CCNY: variants seen among roughly 807,000 people sequenced by gnomAD.
The protein encoded by CCNY is cyclin-Y.
A neutral mutation model predicts 42.8 loss-of-function variants in CCNY; 19 were observed. The observed-to-expected ratio is 0.44, with a 90% confidence interval of 0.31 to 0.65. CCNY has a LOEUF of 0.65. Ranked by LOEUF, CCNY falls within the 30% of genes least tolerant of loss-of-function variation. CCNY has a pLI of 0.07. For synonymous variants in CCNY, 165 were observed against 162.7 expected (o/e 1.01, Z -0.11); for missense variants, 370 against 437.3 (o/e 0.85, Z 1.37).
intron 1 of CCNY, among the ~76,000 whole-genome samples, chr10:35,480,361 A>G (rs1839639726): frequency 6.6e-6 from 1 of 152,086 alleles, no homozygotes; most frequent in East Asian, 1.9e-4. Context: ...ACAGAGAACA[A>G]GTGGTCATTC....
chr10:35,543,174 G>C (rs1841039514), intron 7 of CCNY, among the ~76,000 whole-genome samples: 3 of 152,188 alleles, frequency 2.0e-5, no homozygotes, highest in African/African-American at 7.2e-5. Flanking sequence ...AATACTGTGT[G>C]TGTTGGGAGT....
intron 1 of CCNY, among the ~76,000 whole-genome samples, chr10:35,459,947 A>G (rs528619802): frequency 5.9e-5 from 9 of 152,320 alleles, no homozygotes; most frequent in African/African-American, 9.6e-5. Context: ...GGAAGGGAAA[A>G]AAAGGATTAC....
chr10:35,543,373 C>G (rs1218683760), intron 7 of CCNY, among the ~76,000 whole-genome samples: 1 of 152,166 alleles, frequency 6.6e-6, no homozygotes, highest in South Asian at 2.1e-4. Flanking sequence ...CACAGTTGAT[C>G]CCCCAGCAAT....
At chr10:35,331,728 T>G (rs924059059), upstream of CCNY, among the ~76,000 whole-genome samples, 2 of 152,188 alleles carry the variant, frequency 1.3e-5, no homozygotes. Context: ...GAATTTTTAT[T>G]TGGACGCACA....
At chr10:35,479,627 A>T (rs1156993614) in intron 1 of CCNY, among the ~76,000 whole-genome samples, 1 of 101,302 alleles carries the variant, frequency 9.9e-6, no homozygotes, top group Non-Finnish European at 2.0e-5. Flanking sequence ...GAGGGGGGGG[A>T]GGGATAGCAT....
chr10:35,257,611 A>G (rs1352198720), intron 3 of CCNY, among the ~76,000 whole-genome samples: 3 of 152,150 alleles, frequency 2.0e-5, no homozygotes, highest in Non-Finnish European at 4.4e-5. Context: ...ATGTGCTGAC[A>G]GTCTTATTGA....
chr10:35,532,619 G>C (rs1205856922), intron 7 of CCNY, among the ~76,000 whole-genome samples: 1 of 152,236 alleles, frequency 6.6e-6, no homozygotes, highest in Non-Finnish European at 1.5e-5. Flanking sequence ...AAATTTGAAA[G>C]GGAGTGAGGT....
At chr10:35,540,739 G>A (rs1280355706) in intron 7 of CCNY, among the ~76,000 whole-genome samples, 6 of 152,136 alleles carry the variant, frequency 3.9e-5, no homozygotes, top group East Asian at 3.8e-4. Flanking sequence ...TCTTGAGTCA[G>A]TTGCAGTAGT....
intron 1 of CCNY, among the ~76,000 whole-genome samples, chr10:35,337,828 G>C (rs1248808878): frequency 6.6e-6 from 1 of 151,924 alleles, no homozygotes; most frequent in Admixed American, 6.6e-5. Context: ...AGACACCTTT[G>C]GGTTAAGTCT....
intron 3 of CCNY, among the ~76,000 whole-genome samples, chr10:35,313,970 C>T (rs1367725284): frequency 9.4e-6 from 1 of 106,806 alleles, no homozygotes; most frequent in Non-Finnish European, 1.7e-5. Flanking sequence ...AGTGAGAGTT[C>T]ATCTCGGAAA....
chr10:35,383,232 T>C (rs1837228906), intron 1 of CCNY, among the ~76,000 whole-genome samples: 2 of 152,242 alleles, frequency 1.3e-5, no homozygotes, highest in South Asian at 4.2e-4. Flanking sequence ...CTTAGAATAA[T>C]GACGTTGAAT....
intron 8 of CCNY, among the ~76,000 whole-genome samples, chr10:35,560,932 T>C (rs1324630146): frequency 2.6e-5 from 4 of 152,028 alleles, no homozygotes; most frequent in Admixed American, 2.0e-4. Flanking sequence ...AGCACAAGGC[T>C]CACTGGAAGC....
intron 1 of CCNY, among the ~76,000 whole-genome samples, chr10:35,388,238 G>T (rs1837338630): frequency 6.6e-6 from 1 of 152,154 alleles, no homozygotes; most frequent in Non-Finnish European, 1.5e-5. Flanking sequence ...GAGTATATAG[G>T]TAGGCTATAT....
At chr10:35,464,105 T>G (rs1414302749) in intron 1 of CCNY, among the ~76,000 whole-genome samples, 1 of 152,134 alleles carries the variant, frequency 6.6e-6, no homozygotes, top group Non-Finnish European at 1.5e-5. Context: ...CTTAATTGGA[T>G]TGATGGGCTG....
At chr10:35,335,640 G>A (rs1242102990), upstream of CCNY, among the ~76,000 whole-genome samples, 1 of 152,034 alleles carries the variant, frequency 6.6e-6, no homozygotes, top group Non-Finnish European at 1.5e-5. Context: ...ATTCCTTGAA[G>A]ACAGGAGTTC....
chr10:35,506,782 G>GT (rs1157675428), intron 3 of CCNY, among the ~76,000 whole-genome samples: 1 of 152,170 alleles, frequency 6.6e-6, no homozygotes, highest in Non-Finnish European at 1.5e-5. Flanking sequence ...GTAACTCATG[G>GT]TGTGTTCTCC....
Position 35,504,616 on chromosome 10 carries a change from A to G in CCNY, c.264+3081A>G, listed in dbSNP as rs982830427. 3.3e-5 allele frequency among the ~76,000 whole-genome samples: 5 copies of G among 152,216 alleles called. No homozygotes were observed. In the East Asian group the frequency reaches 9.6e-4, roughly 29 times the overall value. On this transcript the variant is annotated intron_variant, in intron 3 of 9. Transcript: ENST00000374704. ...AGATGTAATTAAAGTGAACAGGTAT[A>G]GGAAGGTTTTTGTTGTTGTTGTTGT...
intron 1 of CCNY, among the ~76,000 whole-genome samples, chr10:35,461,898 A>T (rs1033906695): frequency 5.3e-5 from 8 of 152,180 alleles, no homozygotes; most frequent in African/African-American, 1.7e-4. Context: ...ACGTAAATGC[A>T]TAAATAAATC....
chr10:35,357,104 CCGCA>C (rs1564380425), intron 1 of CCNY, among the ~76,000 whole-genome samples: 13 of 57,358 alleles, frequency 2.3e-4, no homozygotes, highest in African/African-American at 1.2e-3. Context: ...TTTGGGCATC[CCGCA>C]TCACCCCGCA....
Sources: gnomAD v4.1 joint callset for allele counts (sites outside exome capture counted in the v4.1 genomes callset) on GRCh38, gnomAD v4.1.1 for gene constraint, MANE v1.5 for transcripts, NCBI Gene and HGNC (gene_info 2026-07-23, HGNC 2026-07-21) for gene names.